The following SIRPA variants were observed in gnomAD, a reference collection of about 807,000 sequenced individuals.
SIRPA encodes the protein signal regulatory protein alpha, also known as tyrosine-protein phosphatase non-receptor type substrate 1.
Under a neutral mutation model 50.3 loss-of-function variants are expected in SIRPA, and 9 were observed. The observed-to-expected ratio is 0.18, with a 90% CI of 0.11 to 0.31. SIRPA has a LOEUF of 0.31. SIRPA is among the 10% of genes least tolerant of loss of function. The probability of loss-of-function intolerance (pLI) is 1.00; values close to 1 mark genes in which losing one functional copy is unlikely to be tolerated. For missense variants in SIRPA, 474 were observed against 661.6 expected, an observed-to-expected ratio of 0.72 and a Z score of 3.11; for synonymous variants, 265 against 284.1, an observed-to-expected ratio of 0.93 and a Z score of 0.68.
intron 1 of SIRPA, among the ~76,000 whole-genome samples, chr20:1,896,615 C>T (rs963195707): frequency 1.3e-5 from 2 of 151,958 alleles, no homozygotes; most frequent in African/African-American, 4.8e-5. Context: ...GTCCAACACC[C>T]CCTTTTGCGT....
intron 7 of SIRPA, among the ~76,000 whole-genome samples, chr20:1,935,990 T>C (rs986610122): frequency 1.3e-5 from 2 of 152,104 alleles, no homozygotes; most frequent in African/African-American, 2.4e-5. Flanking sequence ...TTTGTCCACT[T>C]TATTGAACCT....
Position 1,938,908 on chromosome 20 carries a change from T to G in SIRPA, c.*1340T>G, listed in dbSNP as rs1986742763. The G allele has an allele frequency of 6.5e-6, 1 of 152,720 alleles. No individual in the cohort carries two copies. Among genetic ancestry groups the G allele is most frequent in the African/African-American group, 2.4e-5 (1 of 41,464 alleles). 9.5% of individuals were successfully genotyped at this position (152,720 alleles called of 1,614,324 possible). A position where few individuals can be genotyped will look rare whatever the true frequency, so the allele number is the denominator to read the frequency against. On this transcript the variant is annotated 3_prime_UTR_variant, in exon 8 of 8. Coordinates refer to ENST00000358771, the MANE Select transcript of SIRPA (RefSeq NM_001040023.2). ...GCCCTGGCCGTCTATCCTACCCCTT[T>G]AGTGACCGCCCCCATCCCGGCTTTC...
At position 1,927,672 on chromosome 20, in the gene SIRPA, C is replaced by T. The variant is rs1986061161; in HGVS notation, c.1202-203C>T. On this transcript the variant is annotated intron_variant, in intron 5 of 7. Transcript: ENST00000358771. This position sits in a 1 kb window ranked among gnomAD's most constrained non-coding sequence, Gnocchi z 6.5. ...AACTTCCAGAAGTGGAAAAGCAGGA[C>T]CATCTAGCTTACTCCTTCCCAGGCT... Among the ~76,000 whole-genome samples, 1 of 152,166 alleles carries T rather than the reference C, an allele frequency of 6.6e-6. No homozygotes were observed. The highest frequency in any genetic ancestry group is 1.5e-5 in the Non-Finnish European group (1 of 68,028).
rs377448893 is a variant in SIRPA, at chr20:1,921,710, G to A, written c.752G>A (p.Arg251Gln). Residue 251 changes from arginine (R) to glutamine (Q), a missense_variant and splice_region_variant, in exon 3 of 8, where the codon CGA becomes CAA. This residue lies in a region of SIRPA where 221 missense variants were observed against 359.9 expected (regional missense o/e 0.61). Coordinates refer to ENST00000358771, the MANE Select transcript of SIRPA (RefSeq NM_001040023.2). ...RGTANLSETI[R>Q]VPPTLEVTQQ... ...ACTGCCAACTTGTCTGAGACCATCC[G>A]AGGTAGAAGACCCTCACCCAGCCCA... 53 of 1,614,018 alleles carry A rather than the reference G, an allele frequency of 3.3e-5. No individual in the cohort carries two copies. In the African/African-American group the frequency reaches 3.6e-4, roughly 11 times the overall value.
In SIRPA at chr20:1,928,931, A is replaced by AGATGGGGTT. The variant is rs1383684627; in HGVS notation, c.1226+1032_1226+1033insGATGGGGTT. On this transcript the variant is annotated intron_variant, in intron 6 of 7. Coordinates refer to ENST00000358771, the MANE Select transcript of SIRPA (RefSeq NM_001040023.2). The surrounding 1 kb of genome is among the most constrained non-coding windows in gnomAD (Gnocchi z 4.9). ...TCATCCCCAGCAGAGCAGAGGCAGC[A>AGATGGGGTT]CACCATCATCTGCCATGTGAACCCA... 2.6e-5 allele frequency among the ~76,000 whole-genome samples: 4 copies of AGATGGGGTT among 152,310 alleles called. No individual in the cohort carries two copies. The highest frequency in any genetic ancestry group is 5.9e-5 in the Non-Finnish European group (4 of 68,024).
chr20:1,915,616 G>A (rs1462322299), intron 2 of SIRPA, among the ~76,000 whole-genome samples, 161 bp downstream of exon 2: 9 of 152,328 alleles, frequency 5.9e-5, no homozygotes, highest in Non-Finnish European at 1.2e-4. Flanking sequence ...GCCTGAAGAC[G>A]TCATGCTATT....
chr20:1,924,830 C>T lies in SIRPA; in HGVS notation c.1154C>T (p.Ala385Val), dbSNP rs1170284788. The change falls in exon 5 of 8, where the codon GCC becomes GTC. Residue 385 changes from alanine to valine, a missense_variant. This residue lies in a region of SIRPA where 180 missense variants were observed against 206.7 expected (regional missense o/e 0.87). Coordinates refer to ENST00000358771, the MANE Select transcript of SIRPA (RefSeq NM_001040023.2). This position sits in a 1 kb window ranked among gnomAD's most constrained non-coding sequence, Gnocchi z 4.5. ...VVGVVCTLLV[A>V]LLMAALYLVR... Reference sequence around the variant, plus strand: ...GGTGTGGTGTGCACCTTGCTGGTGGCCCTACTGATGGCGGCCCTCTACCTC... The same window carrying T: ...GGTGTGGTGTGCACCTTGCTGGTGGTCCTACTGATGGCGGCCCTCTACCTC... 1 of 1,614,010 alleles carries T rather than the reference C, an allele frequency of 6.2e-7. No individual in the cohort carries two copies. Among genetic ancestry groups the T allele is most frequent in the African/African-American group, 1.3e-5 (1 of 74,890 alleles).
rs370500989 is a variant in SIRPA, at chr20:1,937,617, C to T, written c.*49C>T. On this transcript the variant is annotated 3_prime_UTR_variant, in exon 8 of 8. Transcript: ENST00000358771. The surrounding 1 kb of genome is among the most constrained non-coding windows in gnomAD (Gnocchi z 8.3). ...ACCCATCTCTACGCGCTTTCTTGTC[C>T]CACAGGGAGCCGCCGTGATGAGCAC... 26 of 1,591,868 alleles carry T rather than the reference C, an allele frequency of 1.6e-5. No individual in the cohort carries two copies. Among genetic ancestry groups the T allele is most frequent in the Admixed American group, 1.4e-4 (8 of 59,186 alleles).
At chr20:1,903,029 AAAAG>A (rs1555768871) in intron 1 of SIRPA, among the ~76,000 whole-genome samples, 1 of 82,086 alleles carries the variant, frequency 1.2e-5, no homozygotes, top group Non-Finnish European at 2.5e-5. Context: ...AAAAAAAAAA[AAAAG>A]AAAAGAAAGA....
In SIRPA at chr20:1,898,769, T is replaced by G. The variant is rs1481587188; in HGVS notation, c.79+3243T>G. Among the ~76,000 whole-genome samples, 1 of 151,888 alleles carries G rather than the reference T, an allele frequency of 6.6e-6. No homozygotes were observed. The highest frequency in any genetic ancestry group is 2.0e-4 in the East Asian group (1 of 5,128). On this transcript the variant is annotated intron_variant, in intron 1 of 7. Transcript: ENST00000358771. This position sits in a 1 kb window ranked among gnomAD's most constrained non-coding sequence, Gnocchi z 4.3. ...AGAGTTCTTTCTCTGGGCAGAAGGT[T>G]TTGATGAAGTCACAGGCATTTCTCT...
intron 1 of SIRPA, among the ~76,000 whole-genome samples, chr20:1,896,177 G>A (rs1171057686): frequency 6.6e-6 from 1 of 152,198 alleles, no homozygotes; most frequent in South Asian, 2.1e-4. Context: ...GCCTCTCCCT[G>A]GTGGTCTTGC....
rs1986068641 is a variant in SIRPA, at chr20:1,927,781, T to C, written c.1202-94T>C. On this transcript the variant is annotated intron_variant, in intron 5 of 7. Transcript: ENST00000358771. This position sits in a 1 kb window ranked among gnomAD's most constrained non-coding sequence, Gnocchi z 6.5. ...ATGTGATTACAGCATTTCCTCTCCA[T>C]GTCCCTGGAGGCAAACCTTTTGCCA... The C allele has an allele frequency of 8.3e-6, 9 of 1,088,910 alleles. No homozygotes were observed. The highest frequency in any genetic ancestry group is 4.6e-5 in the African/African-American group (3 of 64,930). 67.5% of individuals were successfully genotyped at this position (1,088,910 alleles called of 1,614,324 possible).
intron 1 of SIRPA, among the ~76,000 whole-genome samples, chr20:1,909,864 A>G (rs1984784686): frequency 6.6e-6 from 1 of 152,252 alleles, no homozygotes; most frequent in African/African-American, 2.4e-5. Flanking sequence ...AGCCACACAC[A>G]TGAACATTGT....
chr20:1,920,077 C>G (rs1985557172), intron 2 of SIRPA, among the ~76,000 whole-genome samples: 1 of 152,198 alleles, frequency 6.6e-6, no homozygotes, highest in Admixed American at 6.5e-5. Context: ...TTTGTATCCA[C>G]TTTTGGCCCT....
chr20:1,904,339 A>G (rs975406536), intron 1 of SIRPA, among the ~76,000 whole-genome samples: 1 of 152,198 alleles, frequency 6.6e-6, no homozygotes, highest in Non-Finnish European at 1.5e-5. Context: ...ACCATGAAAC[A>G]TGACGTAATT....
At chr20:1,915,063 A>C in intron 1 of SIRPA, 36 bp from the exon 2 acceptor site, 3 of 1,441,878 alleles carry the variant, frequency 2.1e-6, no homozygotes, top group Non-Finnish European at 1.9e-6. Flanking sequence ...GGATCACGTA[A>C]GGATGAAAAA....
chr20:1,929,152 G>A lies in SIRPA; in HGVS notation c.1226+1253G>A, dbSNP rs530734607. On this transcript the variant is annotated intron_variant, in intron 6 of 7. Transcript: ENST00000358771. ...GGGCCTGTGGGTGTTAGAAGGACTC[G>A]GGATTTTATCCGCAGTGGGATGAGG... is the stretch of plus-strand genomic sequence containing the variant. 1.1e-4 allele frequency among the ~76,000 whole-genome samples: 17 copies of A among 152,180 alleles called. No homozygotes were observed. In the South Asian group the frequency reaches 2.7e-3, roughly 24 times the overall value.
intron 2 of SIRPA, 64 bp from the exon 3 acceptor site, chr20:1,921,331 C>T: frequency 6.2e-7 from 1 of 1,608,986 alleles, no homozygotes; most frequent in Non-Finnish European, 8.5e-7. Context: ...TAACGTGTCA[C>T]ACACTTATCG....
At chr20:1,918,360 C>CTTTTTTTTTTTTT (rs60736526) in intron 2 of SIRPA, among the ~76,000 whole-genome samples, 17 of 95,680 alleles carry the variant, frequency 1.8e-4, no homozygotes, top group Admixed American at 2.4e-4. Flanking sequence ...ACCACACCAG[C>CTTTTTTTTTTTTT]TTTTTTTTTT....
Sources: gnomAD v4.1 joint callset for allele counts (sites outside exome capture counted in the v4.1 genomes callset) on GRCh38, gnomAD v4.1.1 for gene constraint, gnomAD v4.1.1 regional missense constraint, Gnocchi (gnomAD v3.1) non-coding constraint, MANE v1.5 for transcripts, NCBI Gene and HGNC (gene_info 2026-07-23, HGNC 2026-07-21) for gene names.